Variants in OXR1 observed in about 807,000 individuals in gnomAD.
The protein encoded by OXR1 is oxidation resistance protein 1.
In OXR1, 41 loss-of-function variants were observed where a neutral mutation model predicts 104.6. The ratio of observed to expected loss-of-function variants is 0.39; its 90% CI spans 0.31 to 0.51. OXR1 has a LOEUF of 0.51. Ranked by LOEUF, OXR1 falls within the 20% of genes least tolerant of loss-of-function variation. OXR1 has a pLI of 0.77. For synonymous variants in OXR1, 348 were observed against 348.4 expected (o/e 1.00, Z 0.01); for missense variants, 955 against 1,031.9 (o/e 0.93, Z 1.02).
chr8:106,614,338 G>T (rs1821031600), intron 3 of OXR1, among the ~76,000 whole-genome samples: 1 of 152,076 alleles, frequency 6.6e-6, no homozygotes, highest in Non-Finnish European at 1.5e-5. Flanking sequence ...ATCACAACTT[G>T]GTCAATCTAC....
intron 2 of OXR1, among the ~76,000 whole-genome samples, chr8:106,378,428 C>G (rs1816996005): frequency 6.6e-6 from 1 of 152,226 alleles, no homozygotes; most frequent in African/African-American, 2.4e-5. Context: ...CCCCCACTCT[C>G]TTCAAGGAGC....
chr8:106,324,893 T>C (rs1295619895), intron 1 of OXR1, among the ~76,000 whole-genome samples: 1 of 152,226 alleles, frequency 6.6e-6, no homozygotes, highest in African/African-American at 2.4e-5. Flanking sequence ...CATAAGACAA[T>C]GTGTATTGTG....
intron 7 of OXR1, chr8:106,697,662 C>T (rs1343384071): frequency 2.4e-5 from 38 of 1,613,934 alleles, no homozygotes; most frequent in African/African-American, 4.0e-5. Flanking sequence ...TCTTTCCTTC[C>T]CAGAGGTCCA....
chr8:106,324,619 A>G (rs1179275174), intron 1 of OXR1, among the ~76,000 whole-genome samples: 3 of 151,804 alleles, frequency 2.0e-5, no homozygotes, highest in Admixed American at 2.0e-4. Context: ...GGTACCGTGA[A>G]ATTTCCTTCT....
intron 3 of OXR1, among the ~76,000 whole-genome samples, chr8:106,548,736 C>T (rs969694939): frequency 6.6e-6 from 1 of 152,126 alleles, no homozygotes; most frequent in East Asian, 1.9e-4. Context: ...AAGGAGTGCT[C>T]AGCATATTAG....
chr8:106,518,535 C>T (rs1813020290), intron 2 of OXR1, among the ~76,000 whole-genome samples: 1 of 152,142 alleles, frequency 6.6e-6, no homozygotes, highest in South Asian at 2.1e-4. Flanking sequence ...ACACTGGCAG[C>T]CTCTGATTAA....
At chr8:106,358,840 A>G (rs1234353114) in intron 1 of OXR1, among the ~76,000 whole-genome samples, 1 of 151,638 alleles carries the variant, frequency 6.6e-6, no homozygotes, top group Non-Finnish European at 1.5e-5. Flanking sequence ...TTCACTAAAT[A>G]ATTTAGTGAA....
chr8:106,414,785 G>A (rs1818604331), intron 2 of OXR1, among the ~76,000 whole-genome samples: 1 of 152,064 alleles, frequency 6.6e-6, no homozygotes, highest in African/African-American at 2.4e-5. Flanking sequence ...TGGAAAGGAA[G>A]GTTAGCAACA....
At chr8:106,362,323 C>T (rs1816282340) in intron 2 of OXR1, among the ~76,000 whole-genome samples, 2 of 152,090 alleles carry the variant, frequency 1.3e-5, no homozygotes, top group Non-Finnish European at 2.9e-5. Context: ...GTGGGAAGTG[C>T]AGGATGCCTG....
chr8:106,289,751 T>C (rs890223138), intron 1 of OXR1, among the ~76,000 whole-genome samples: 24 of 152,228 alleles, frequency 1.6e-4, no homozygotes, highest in Middle Eastern at 3.4e-3. Context: ...GTTGGCTATG[T>C]CCCCACCCAA....
intron 3 of OXR1, among the ~76,000 whole-genome samples, chr8:106,588,076 CA>C (rs1818784643): frequency 6.6e-6 from 1 of 151,966 alleles, no homozygotes; most frequent in African/African-American, 2.4e-5. Flanking sequence ...CTCAGCCTCC[CA>C]AGTAGCTGGG....
chr8:106,727,879 T>G (rs903407148), intron 11 of OXR1, among the ~76,000 whole-genome samples: 14 of 152,200 alleles, frequency 9.2e-5, no homozygotes, highest in African/African-American at 3.4e-4. Flanking sequence ...GTAGAATTAT[T>G]TCCCATTTTG....
chr8:106,732,229 T>A (rs967710105), intron 11 of OXR1, among the ~76,000 whole-genome samples: 6 of 152,162 alleles, frequency 3.9e-5, no homozygotes, highest in African/African-American at 1.4e-4. Context: ...TCTTGCACTC[T>A]GAAAGCCTGC....
chr8:106,461,764 T>A, intron 2 of OXR1, among the ~76,000 whole-genome samples: 1 of 152,138 alleles, frequency 6.6e-6, no homozygotes, highest in Non-Finnish European at 1.5e-5. Flanking sequence ...ACAGATAATA[T>A]GCGCAGTGTC....
At chr8:106,374,686 C>A (rs1194805596) in intron 2 of OXR1, among the ~76,000 whole-genome samples, 1 of 152,146 alleles carries the variant, frequency 6.6e-6, no homozygotes, top group Non-Finnish European at 1.5e-5. Flanking sequence ...ATTTTAGCAA[C>A]TTCAGTGCTA....
At chr8:106,353,887 C>T (rs1815847544) in intron 1 of OXR1, among the ~76,000 whole-genome samples, 1 of 152,136 alleles carries the variant, frequency 6.6e-6, no homozygotes. Flanking sequence ...TGACTAACAT[C>T]TTCCCACTAC....
chr8:106,633,455 T>C (rs937421273), intron 3 of OXR1, among the ~76,000 whole-genome samples: 4 of 152,222 alleles, frequency 2.6e-5, no homozygotes, highest in Non-Finnish European at 5.9e-5. Flanking sequence ...TACCATCGTA[T>C]CTTACTCTTT....
chr8:106,607,001 T>C (rs561637097), intron 3 of OXR1, among the ~76,000 whole-genome samples: 1 of 152,144 alleles, frequency 6.6e-6, no homozygotes, highest in Non-Finnish European at 1.5e-5. Flanking sequence ...TGTAGAGCCC[T>C]AGCATGCTTC....
chr8:106,287,163 G>T (rs1189670899), intron 1 of OXR1, among the ~76,000 whole-genome samples: 1 of 152,070 alleles, frequency 6.6e-6, no homozygotes, highest in East Asian at 1.9e-4. Flanking sequence ...GAACTAAAAT[G>T]ACATTTCTGA....
Sources: allele counts gnomAD v4.1 joint callset (sites outside exome capture counted in the v4.1 genomes callset), GRCh38; gene constraint gnomAD v4.1.1; transcripts MANE v1.5; gene names NCBI Gene and HGNC (gene_info 2026-07-23, HGNC 2026-07-21).